The following C3orf20 variants were observed in gnomAD, a reference collection of about 807,000 sequenced individuals.
C3orf20 encodes the protein family with sequence similarity 149 member C.
A neutral mutation model predicts 88.3 loss-of-function variants in C3orf20; 76 were observed. The observed-to-expected ratio is 0.86, with a 90% CI of 0.72 to 1.04. C3orf20 has a LOEUF of 1.04. Ranked by LOEUF, C3orf20 falls within the 50% of genes least tolerant of loss-of-function variation. The probability of loss-of-function intolerance (pLI) is 0.00; values close to 1 mark genes in which losing one functional copy is unlikely to be tolerated. For missense variants in C3orf20, 1,056 were observed against 1,123.3 expected, an observed-to-expected ratio of 0.94 and a Z score of 0.86; for synonymous variants, 436 against 437.4, an observed-to-expected ratio of 1.00 and a Z score of 0.04.
intron 1 of C3orf20, among the ~76,000 whole-genome samples, chr3:14,681,357 A>G (rs2032078309): frequency 6.6e-6 from 1 of 152,162 alleles, no homozygotes; most frequent in Admixed American, 6.5e-5. Context: ...GGAAAAGAAG[A>G]CGTAGGTGTG....
chr3:14,724,698 A>T (rs1241321579), intron 10 of C3orf20, among the ~76,000 whole-genome samples: 1 of 152,218 alleles, frequency 6.6e-6, no homozygotes, highest in Non-Finnish European at 1.5e-5. Flanking sequence ...TATTTTTGAT[A>T]TACTGGTTTA....
intron 12 of C3orf20, among the ~76,000 whole-genome samples, chr3:14,755,698 T>C (rs1052804850): frequency 2.0e-5 from 3 of 152,204 alleles, no homozygotes; most frequent in African/African-American, 7.2e-5. Flanking sequence ...CCCATTCACC[T>C]CGTGGGAACC....
At chr3:14,758,216 A>C (rs1223190495) in intron 13 of C3orf20, among the ~76,000 whole-genome samples, 1 of 152,152 alleles carries the variant, frequency 6.6e-6, no homozygotes, top group Non-Finnish European at 1.5e-5. Context: ...GCCTGGGAAC[A>C]TGTGCCTGCT....
chr3:14,719,209 G>A (rs2034058042), intron 9 of C3orf20, among the ~76,000 whole-genome samples: 1 of 151,750 alleles, frequency 6.6e-6, no homozygotes, highest in African/African-American at 2.4e-5. Flanking sequence ...AGCTATACTG[G>A]AAGTAGAACC....
chr3:14,733,543 C>T (rs2034606670), intron 12 of C3orf20, among the ~76,000 whole-genome samples: 1 of 152,056 alleles, frequency 6.6e-6, no homozygotes, highest in African/African-American at 2.4e-5. Context: ...TCACCTCTTC[C>T]TGGGATTTTC....
Position 14,715,296 on chromosome 3 carries a change from T to G in C3orf20, c.1321T>G (p.Tyr441Asp). The G allele has an allele frequency of 1.2e-6, 2 of 1,611,804 alleles. No individual in the cohort carries two copies. ...CTTCTGTATCTCTCCTAGTTGCCCA[T>G]ATGTCTTAATCTTGGATGAGGAAGG... is the stretch of plus-strand genomic sequence containing the variant. ...VHYNLKTSCPYVLILDEEGGT... is the reference protein window; with the variant it reads ...VHYNLKTSCPDVLILDEEGGT... Residue 441 changes from tyrosine to aspartate, a missense_variant, in exon 9 of 17, where the codon TAT becomes GAT. Coordinates refer to ENST00000253697, the MANE Select transcript of C3orf20 (RefSeq NM_032137.5).
At position 14,772,233 on chromosome 3, in the gene C3orf20, G is replaced by T. The variant is rs1300912699; in HGVS notation, c.2630+32G>T. On this transcript the variant is annotated intron_variant, in intron 16 of 16. Transcript: ENST00000253697. This position sits in a 1 kb window ranked among gnomAD's most constrained non-coding sequence, Gnocchi z 4.2. ...GACCACATCAGCTGCCAGAATGGGC[G>T]TGGCTCACAGCAGGCCACCTCGGGG... is the stretch of plus-strand genomic sequence containing the variant. 1 of 1,614,036 alleles carries T rather than the reference G, an allele frequency of 6.2e-7. No homozygotes were observed. The highest frequency in any genetic ancestry group is 1.7e-5 in the Admixed American group (1 of 60,016).
intron 5 of C3orf20, among the ~76,000 whole-genome samples, chr3:14,702,640 C>G (rs1016024076): frequency 6.6e-6 from 1 of 152,032 alleles, no homozygotes; most frequent in African/African-American, 2.4e-5. Context: ...GGGGTTTCAC[C>G]ATGTTGGCCA....
At chr3:14,742,189 A>G (rs1259472246) in intron 12 of C3orf20, among the ~76,000 whole-genome samples, 2 of 152,222 alleles carry the variant, frequency 1.3e-5, no homozygotes, top group African/African-American at 4.8e-5. Context: ...CAACCTAGTA[A>G]GTAACATTAG....
At chr3:14,719,674 A>G (rs773818245) in intron 9 of C3orf20, among the ~76,000 whole-genome samples, 1 of 152,198 alleles carries the variant, frequency 6.6e-6, no homozygotes, top group African/African-American at 2.4e-5. Flanking sequence ...GAGCTGCCAT[A>G]CTTGGGAGTT....
chr3:14,752,836 C>T (rs1036007739), intron 12 of C3orf20, among the ~76,000 whole-genome samples: 4 of 152,138 alleles, frequency 2.6e-5, no homozygotes, highest in East Asian at 1.9e-4. Context: ...AGTCAGGAAA[C>T]GACAGATGCT....
intron 13 of C3orf20, among the ~76,000 whole-genome samples, chr3:14,758,273 C>CAGGTGATT (rs201230275): frequency 0.012 from 1,807 of 152,210 alleles, 43 homozygotes; most frequent in African/African-American, 0.042. Context: ...GGGGTTTTGG[C>CAGGTGATT]AGGTGATTAA....
chr3:14,745,255 G>A (rs2035026899), intron 12 of C3orf20, among the ~76,000 whole-genome samples: 1 of 152,156 alleles, frequency 6.6e-6, no homozygotes, highest in African/African-American at 2.4e-5. Flanking sequence ...CAGTTGAGAG[G>A]TGCATGACCC....
intron 5 of C3orf20, among the ~76,000 whole-genome samples, chr3:14,692,622 T>C (rs2032790322): frequency 6.6e-6 from 1 of 152,190 alleles, no homozygotes; most frequent in Non-Finnish European, 1.5e-5. Context: ...TTGAACTCCT[T>C]ATATATTCTC....
At chr3:14,724,084 G>T (rs979408089) in intron 10 of C3orf20, among the ~76,000 whole-genome samples, 1 of 152,098 alleles carries the variant, frequency 6.6e-6, no homozygotes, top group African/African-American at 2.4e-5. Context: ...CTCCCAAAGT[G>T]CTGGGATTAC....
Position 14,757,661 on chromosome 3 carries a change from C to T in C3orf20, c.2231C>T (p.Ser744Phe). ...LYNHQQRGRG[S>F]PCIQCRYDSY... is the part of the protein sequence containing the mutation. ...AACCACCAGCAGCGGGGCCGTGGCT[C>T]CCCCTGCATCCAGGTTGGTCTGGGC... Residue 744 changes from serine to phenylalanine, a missense_variant, in exon 13 of 17, where the codon TCC (serine) becomes TTC (phenylalanine). Ser to Phe is a radical substitution (Grantham distance 155). Coordinates refer to ENST00000253697, the MANE Select transcript of C3orf20 (RefSeq NM_032137.5). 6.2e-7 allele frequency: 1 copy of T among 1,609,962 alleles called. No individual in the cohort carries two copies. Among genetic ancestry groups the T allele is most frequent in the Non-Finnish European group, 8.5e-7 (1 of 1,177,216 alleles).
Position 14,761,462 on chromosome 3 carries a change from C to G in C3orf20, c.2353-11C>G. ...GCTGAGGATCTCTCCTCATTTCCTTCCTGTCAACAGATGTTTGCCGGGGGG... is the reference window on the plus strand; with the variant it reads ...GCTGAGGATCTCTCCTCATTTCCTTGCTGTCAACAGATGTTTGCCGGGGGG... On this transcript the variant is annotated splice_polypyrimidine_tract_variant and intron_variant, in intron 14 of 16. Coordinates refer to ENST00000253697, the MANE Select transcript of C3orf20 (RefSeq NM_032137.5). 1 of 1,614,052 alleles carries G rather than the reference C, an allele frequency of 6.2e-7. No individual in the cohort carries two copies. Among genetic ancestry groups the G allele is most frequent in the Non-Finnish European group, 8.5e-7 (1 of 1,180,022 alleles).
chr3:14,683,046 T>TGGGGCA lies in C3orf20; in HGVS notation c.335_340dup (p.Gly112_Ala113dup), dbSNP rs1198952046. 1.9e-6 allele frequency: 3 copies of TGGGGCA among 1,611,744 alleles called. No homozygotes were observed. In the South Asian group the frequency reaches 3.3e-5, roughly 18 times the overall value. On this transcript the variant is annotated inframe_insertion, in exon 3 of 17. Coordinates refer to ENST00000253697, the MANE Select transcript of C3orf20 (RefSeq NM_032137.5). ...CACGTCCAGTGCTGCTGGCAACCAC[T>TGGGGCA]GGGGCAGCCAAGCGCTCCACCCTCT...
chr3:14,736,386 G>T (rs573665735), intron 12 of C3orf20, among the ~76,000 whole-genome samples: 1 of 152,048 alleles, frequency 6.6e-6, no homozygotes, highest in African/African-American at 2.4e-5. Flanking sequence ...TGCTTCCTGG[G>T]TTCAAGCGAT....
Sources: allele counts gnomAD v4.1 joint callset (sites outside exome capture counted in the v4.1 genomes callset), GRCh38; gene constraint gnomAD v4.1.1; non-coding constraint Gnocchi (gnomAD v3.1); transcripts MANE v1.5; gene names NCBI Gene and HGNC (gene_info 2026-07-23, HGNC 2026-07-21).